Variants in LRP1B observed in about 807,000 individuals in gnomAD.
LRP1B encodes LDL receptor related protein 1B.
A neutral mutation model predicts 556.6 loss-of-function variants in LRP1B; 217 were observed. That is an observed-to-expected ratio of 0.39 (90% CI 0.35 to 0.44). The LOEUF (loss-of-function observed/expected upper bound fraction) is 0.44, where lower values mean the gene tolerates loss of function less well. Ranked by LOEUF, LRP1B falls within the 20% of genes least tolerant of loss-of-function variation. The probability of loss-of-function intolerance (pLI) is 1.00; values close to 1 mark genes in which losing one functional copy is unlikely to be tolerated. For synonymous variants in LRP1B, 2,047 were observed against 1,865.8 expected (o/e 1.10, Z -2.50); for missense variants, 5,053 against 5,620.8 (o/e 0.90, Z 3.23).
In LRP1B at chr2:140,443,212, C is replaced by T. The variant is rs182322088; in HGVS notation, c.10295-589G>A. Reference sequence around the variant, plus strand: ...AGTAGCTGGGATTATAGGCACCTACCACTGCGCCCAGCTAATTTTTGTATT... The same window carrying T: ...AGTAGCTGGGATTATAGGCACCTACTACTGCGCCCAGCTAATTTTTGTATT... On this transcript the variant is annotated intron_variant, in intron 65 of 90. Transcript: ENST00000389484. Among the ~76,000 whole-genome samples, 243 of 152,210 alleles carry T rather than the reference C, an allele frequency of 1.6e-3. 1 individual carries two copies. The highest frequency in any genetic ancestry group is 5.4e-3 in the African/African-American group (225 of 41,516).
At chr2:142,005,921 CAT>C (rs1173943718) in intron 1 of LRP1B, among the ~76,000 whole-genome samples, 1 of 150,414 alleles carries the variant, frequency 6.6e-6, no homozygotes, top group Non-Finnish European at 1.5e-5. Context: ...AAAAAAACTG[CAT>C]ATTTACAGTA....
chr2:141,944,951 G>GA (rs1700911379), intron 1 of LRP1B, among the ~76,000 whole-genome samples: 1 of 151,994 alleles, frequency 6.6e-6, no homozygotes, highest in Non-Finnish European at 1.5e-5. Flanking sequence ...GTAAATCTTT[G>GA]AAAAATATGT....
At chr2:141,544,381 T>TCTCCTCCTCCTCCTCCTC (rs1170452147) in intron 2 of LRP1B, among the ~76,000 whole-genome samples, 4 of 79,756 alleles carry the variant, frequency 5.0e-5, no homozygotes, top group African/African-American at 1.3e-4. Context: ...TTCTTCTTCT[T>TCTCCTCCTCCTCCTCCTC]CTCCTCCTCC....
intron 1 of LRP1B, among the ~76,000 whole-genome samples, chr2:142,001,962 A>T (rs1459466961): frequency 1.3e-5 from 2 of 152,144 alleles, no homozygotes; most frequent in Admixed American, 6.6e-5. Context: ...AATCAGTACA[A>T]AACACTTTGA....
At chr2:140,547,714 A>C (rs1054885040) in intron 43 of LRP1B, among the ~76,000 whole-genome samples, 1 of 152,104 alleles carries the variant, frequency 6.6e-6, no homozygotes, top group African/African-American at 2.4e-5. Flanking sequence ...TGGCATACTT[A>C]GAATGAAGAA....
chr2:141,708,442 A>C (rs577133758), intron 2 of LRP1B, among the ~76,000 whole-genome samples: 1 of 152,196 alleles, frequency 6.6e-6, no homozygotes, highest in Non-Finnish European at 1.5e-5. Flanking sequence ...AGGACAGGAG[A>C]AAAGGGACTC....
intron 35 of LRP1B, among the ~76,000 whole-genome samples, chr2:140,754,420 A>T (rs1688677594): frequency 1.3e-5 from 2 of 152,176 alleles, no homozygotes; most frequent in African/African-American, 4.8e-5. Flanking sequence ...CAAATAGTGT[A>T]TATGCTACCA....
chr2:142,013,259 T>C (rs1371580213), intron 1 of LRP1B, among the ~76,000 whole-genome samples: 1 of 152,132 alleles, frequency 6.6e-6, no homozygotes, highest in African/African-American at 2.4e-5. Context: ...GGGAAGGGTG[T>C]AATGTGGAGG....
chr2:141,992,452 C>A (rs1010218076), intron 1 of LRP1B, among the ~76,000 whole-genome samples: 13 of 152,150 alleles, frequency 8.5e-5, no homozygotes, highest in Non-Finnish European at 7.4e-5. Flanking sequence ...TTTTACCACA[C>A]AGGAAAATGT....
intron 7 of LRP1B, among the ~76,000 whole-genome samples, chr2:141,090,960 A>C (rs980914679): frequency 6.6e-6 from 1 of 152,184 alleles, no homozygotes; most frequent in East Asian, 1.9e-4. Flanking sequence ...TAGTGTTTTC[A>C]ATTGTATTAT....
At chr2:141,697,392 AT>A (rs1407907711) in intron 2 of LRP1B, among the ~76,000 whole-genome samples, 1 of 151,900 alleles carries the variant, frequency 6.6e-6, no homozygotes, top group African/African-American at 2.4e-5. Context: ...GTTAGGCTCA[AT>A]CTCATTTACT....
intron 11 of LRP1B, among the ~76,000 whole-genome samples, chr2:141,021,654 G>C (rs767064181): frequency 2.6e-5 from 4 of 151,976 alleles, no homozygotes; most frequent in African/African-American, 9.7e-5. Flanking sequence ...AGTACAAAAA[G>C]TCTTCATGCT....
Position 141,653,856 on chromosome 2 carries a change from T to C in LRP1B, c.205+156423A>G, listed in dbSNP as rs79067163. ...AGAAGTTGTGGTTTACAGTATTTTC[T>C]TTTTTTTCTTTTATAAAAATGGTAC... On this transcript the variant is annotated intron_variant, in intron 2 of 90. Transcript: ENST00000389484. 9.5e-3 allele frequency among the ~76,000 whole-genome samples: 1,450 copies of C among 151,918 alleles called. 16 individuals are homozygous for C. Among genetic ancestry groups the C allele is most frequent in the African/African-American group, 0.033 (1,387 of 41,518 alleles).
Position 140,903,103 on chromosome 2 carries a change from T to C in LRP1B, c.3583A>G (p.Ile1195Val). The change falls in exon 23 of 91, where the codon ATT becomes GTT. Residue 1195 changes from isoleucine (I) to valine (V), a missense_variant. Around this residue, in one of 5 missense-constraint regions of LRP1B, gnomAD observed 3,619 missense variants for 3,931.9 expected, o/e 0.92. Coordinates refer to ENST00000389484, the MANE Select transcript of LRP1B (RefSeq NM_018557.3). ...NHCSVVPGRG[I>V]VCSCPEGLQL... The stretch of plus-strand genomic sequence containing the variant: ...AGTCCTTCAGGGCAGGAACAGACAA[T>C]TCCTCTTCCAGGAACAACAGAACAG... 1.2e-6 allele frequency: 2 copies of C among 1,613,594 alleles called. No homozygotes were observed. The highest frequency in any genetic ancestry group is 2.2e-5 in the South Asian group (2 of 91,084).
At chr2:141,658,928 G>C (rs1391326495) in intron 2 of LRP1B, among the ~76,000 whole-genome samples, 2 of 152,096 alleles carry the variant, frequency 1.3e-5, no homozygotes, top group Non-Finnish European at 2.9e-5. Flanking sequence ...ATTTTAGGCA[G>C]GGTCTCGCTC....
chr2:141,615,568 AATTC>A (rs201650155), intron 2 of LRP1B, among the ~76,000 whole-genome samples: 36,949 of 151,878 alleles, frequency 0.24, 5,210 homozygotes, highest in East Asian at 0.45. Flanking sequence ...TATTTAATAT[AATTC>A]TTGAAATTAC....
intron 7 of LRP1B, among the ~76,000 whole-genome samples, chr2:141,123,000 C>T (rs577164082): frequency 2.0e-5 from 3 of 151,940 alleles, no homozygotes; most frequent in African/African-American, 7.3e-5. Context: ...ATTGCAAGGA[C>T]AGAAAACCAA....
chr2:141,932,969 C>A (rs964466320), intron 1 of LRP1B, among the ~76,000 whole-genome samples: 2 of 151,954 alleles, frequency 1.3e-5, no homozygotes, highest in Non-Finnish European at 1.5e-5. Context: ...TTTAACCTTT[C>A]ATTTCCTGCT....
At chr2:140,906,128 G>C (rs1398786145) in intron 22 of LRP1B, among the ~76,000 whole-genome samples, 1 of 152,080 alleles carries the variant, frequency 6.6e-6, no homozygotes, top group Non-Finnish European at 1.5e-5. Context: ...GCGGTGTGTA[G>C]TTCAATATGC....
Sources: gnomAD v4.1 joint callset for allele counts (sites outside exome capture counted in the v4.1 genomes callset) on GRCh38, gnomAD v4.1.1 for gene constraint, gnomAD v4.1.1 regional missense constraint, MANE v1.5 for transcripts, NCBI Gene and HGNC (gene_info 2026-07-23, HGNC 2026-07-21) for gene names.